TBCK: variants seen among roughly 807,000 people sequenced by gnomAD.
TBCK encodes the protein TBC domain-containing protein kinase-like protein.
TBCK carries 99 observed loss-of-function variants against 113.4 expected under a neutral mutation model. The observed-to-expected ratio is 0.87, with a 90% CI of 0.74 to 1.03. TBCK has a LOEUF of 1.03. TBCK is among the 50% of genes least tolerant of loss of function. The probability of loss-of-function intolerance (pLI) is 0.00; values close to 1 mark genes in which losing one functional copy is unlikely to be tolerated. For missense variants in TBCK, 1,045 were observed against 1,061.3 expected, an observed-to-expected ratio of 0.98 and a Z score of 0.21; for synonymous variants, 369 against 370.8, an observed-to-expected ratio of 1.00 and a Z score of 0.05.
chr4:106,297,225 A>G (rs1034787816), intron 2 of TBCK, among the ~76,000 whole-genome samples: 1 of 152,156 alleles, frequency 6.6e-6, no homozygotes, highest in African/African-American at 2.4e-5. Context: ...TCTGAACTGC[A>G]GGCTTCTATA....
intron 19 of TBCK, among the ~76,000 whole-genome samples, chr4:106,216,810 C>A (rs1057083612): frequency 6.6e-6 from 1 of 150,860 alleles, no homozygotes; most frequent in Non-Finnish European, 1.5e-5. Context: ...TGGTACCATT[C>A]CTTCTGAAAC....
intron 25 of TBCK, among the ~76,000 whole-genome samples, chr4:106,051,858 A>G (rs1734848505): frequency 6.6e-6 from 1 of 151,896 alleles, no homozygotes; most frequent in Admixed American, 6.6e-5. Flanking sequence ...AAAGTTCTTA[A>G]TCAGTAGAAC....
chr4:106,109,157 T>C (rs1742535097), intron 24 of TBCK, among the ~76,000 whole-genome samples: 1 of 152,084 alleles, frequency 6.6e-6, no homozygotes, highest in Admixed American at 6.6e-5. Flanking sequence ...AGACATCCCA[T>C]GCTATGGATC....
intron 25 of TBCK, 92 bp downstream of exon 25, chr4:106,095,390 C>A: frequency 8.2e-7 from 1 of 1,224,358 alleles, no homozygotes; most frequent in Non-Finnish European, 1.1e-6. Context: ...TTGTGACCAA[C>A]TCCTGAAGAA....
At chr4:106,136,004 G>A (rs1746511137) in intron 23 of TBCK, among the ~76,000 whole-genome samples, 1 of 141,396 alleles carries the variant, frequency 7.1e-6, no homozygotes, top group African/African-American at 2.5e-5. Context: ...TAATTTGGCT[G>A]TTTTTCCAAG....
intron 25 of TBCK, among the ~76,000 whole-genome samples, chr4:106,063,589 AG>A (rs1172798835): frequency 6.6e-6 from 1 of 151,848 alleles, no homozygotes; most frequent in African/African-American, 2.4e-5. Flanking sequence ...GCTTGAGCAA[AG>A]GGGGGAAGGT....
chr4:106,296,327 AAGTTTAACACAAAAC>A (rs1460427089), intron 2 of TBCK, among the ~76,000 whole-genome samples: 1 of 152,190 alleles, frequency 6.6e-6, no homozygotes, highest in Non-Finnish European at 1.5e-5. Flanking sequence ...AATAAAGAAT[AAGTTTAACACAAAAC>A]ACAAAGACTG....
intron 23 of TBCK, among the ~76,000 whole-genome samples, chr4:106,130,279 A>C (rs1010873763): frequency 1.7e-4 from 26 of 152,196 alleles, no homozygotes; most frequent in African/African-American, 5.8e-4. Context: ...GAAATTTCTT[A>C]GAAATTTGTT....
intron 25 of TBCK, among the ~76,000 whole-genome samples, chr4:106,069,294 T>C (rs1023159388): frequency 3.9e-5 from 6 of 152,222 alleles, no homozygotes; most frequent in Admixed American, 6.5e-5. Context: ...TATTTAAGTC[T>C]TTCATCCATC....
chr4:106,122,189 G>A lies in TBCK; in HGVS notation c.2236-5811C>T, dbSNP rs1379195751. 2.6e-5 allele frequency among the ~76,000 whole-genome samples: 4 copies of A among 151,072 alleles called. No individual in the cohort carries two copies. The East Asian group carries it at 7.8e-4, about 30-fold the overall frequency. On this transcript the variant is annotated intron_variant, in intron 23 of 25. Coordinates refer to ENST00000394708, the MANE Select transcript of TBCK (RefSeq NM_001163435.3). Reference sequence around the variant, plus strand: ...TAGACACAATAAAAAATGATAAAGGGGATATCACCACCGATCCCACAGAAA... The same window carrying A: ...TAGACACAATAAAAAATGATAAAGGAGATATCACCACCGATCCCACAGAAA...
intron 22 of TBCK, among the ~76,000 whole-genome samples, chr4:106,176,385 T>C (rs564238452): frequency 1.3e-5 from 2 of 152,128 alleles, no homozygotes; most frequent in African/African-American, 4.8e-5. Context: ...CCTCAACTTA[T>C]TTAGTTTCCC....
intron 20 of TBCK, among the ~76,000 whole-genome samples, chr4:106,201,297 T>G (rs368201301): frequency 1.3e-5 from 2 of 152,130 alleles, no homozygotes; most frequent in South Asian, 4.1e-4. Flanking sequence ...ATTTTCATCT[T>G]AAATAATTAC....
At position 106,235,263 on chromosome 4, in the gene TBCK, C is replaced by T. The variant is rs773681892; in HGVS notation, c.1449+6G>A. 4 of 1,580,810 alleles carry T rather than the reference C, an allele frequency of 2.5e-6. No individual in the cohort carries two copies. The highest frequency in any genetic ancestry group is 2.3e-5 in the South Asian group (2 of 85,428). ...ATCAGCTTCTAACCTTTTCTTTTTT[C>T]CTTACCTCAACTCCCAGAAGAGCAG... On this transcript the variant is annotated splice_donor_region_variant and intron_variant, in intron 15 of 25. Coordinates refer to ENST00000394708, the MANE Select transcript of TBCK (RefSeq NM_001163435.3).
intron 9 of TBCK, 132 bp downstream of exon 9, chr4:106,248,113 A>G (rs1034446513): frequency 3.4e-5 from 16 of 468,488 alleles, no homozygotes; most frequent in Non-Finnish European, 5.9e-5. Context: ...ATTCACAGTT[A>G]TGATACTGAT....
chr4:106,210,465 C>CTT (rs1755997291), intron 20 of TBCK, among the ~76,000 whole-genome samples: 2 of 152,106 alleles, frequency 1.3e-5, no homozygotes, highest in Admixed American at 1.3e-4. Flanking sequence ...CAGTAATAGG[C>CTT]TAACTTATAA....
intron 24 of TBCK, among the ~76,000 whole-genome samples, chr4:106,099,618 T>A (rs1198586427): frequency 1.3e-5 from 2 of 152,192 alleles, no homozygotes; most frequent in African/African-American, 4.8e-5. Context: ...ATAGTCTGAA[T>A]GGCATCACCA....
intron 3 of TBCK, among the ~76,000 whole-genome samples, chr4:106,288,389 G>A (rs1007828305): frequency 3.3e-5 from 5 of 150,682 alleles, no homozygotes; most frequent in African/African-American, 7.4e-5. Context: ...GCGAGACTCC[G>A]TCTCAAAAAA....
At chr4:106,130,805 T>C (rs1745809524) in intron 23 of TBCK, among the ~76,000 whole-genome samples, 1 of 152,206 alleles carries the variant, frequency 6.6e-6, no homozygotes, top group Non-Finnish European at 1.5e-5. Flanking sequence ...TCTTAAATAC[T>C]TCATAACTAT....
At chr4:106,240,737 C>T (rs1449564455) in intron 12 of TBCK, among the ~76,000 whole-genome samples, 1 of 151,880 alleles carries the variant, frequency 6.6e-6, no homozygotes, top group African/African-American at 2.4e-5. Flanking sequence ...AAATCTTAAA[C>T]TCTAATGTGT....
Sources: allele counts gnomAD v4.1 joint callset (sites outside exome capture counted in the v4.1 genomes callset), GRCh38; gene constraint gnomAD v4.1.1; transcripts MANE v1.5; gene names NCBI Gene and HGNC (gene_info 2026-07-23, HGNC 2026-07-21).